The following RIMS2 variants were observed in gnomAD, a reference collection of about 807,000 sequenced individuals.
RIMS2 encodes regulating synaptic membrane exocytosis protein 2.
RIMS2 carries 59 observed loss-of-function variants against 174.4 expected under a neutral mutation model. That is an observed-to-expected ratio of 0.34 (90% CI 0.27 to 0.42). The LOEUF (loss-of-function observed/expected upper bound fraction) is 0.42, where lower values mean the gene tolerates loss of function less well. RIMS2 is among the 10% of genes least tolerant of loss of function. The pLI is 1.00. For missense variants in RIMS2, 1,620 were observed against 1,666.3 expected, an observed-to-expected ratio of 0.97 and a Z score of 0.48; for synonymous variants, 606 against 572.5, an observed-to-expected ratio of 1.06 and a Z score of -0.84.
intron 2 of RIMS2, among the ~76,000 whole-genome samples, chr8:103,742,090 C>T (rs979641210): frequency 2.6e-5 from 4 of 152,034 alleles, no homozygotes; most frequent in South Asian, 4.1e-4. Context: ...CAGGACTCAA[C>T]TTCTTAAGAA....
intron 2 of RIMS2, among the ~76,000 whole-genome samples, chr8:103,712,498 G>T: frequency 6.6e-6 from 1 of 152,048 alleles, no homozygotes; most frequent in African/African-American, 2.4e-5. Flanking sequence ...TGGTGTCAAG[G>T]ATACTGCTTT....
intron 15 of RIMS2, 145 bp from the exon 18 acceptor site, chr8:103,975,205 T>G: frequency 2.1e-6 from 1 of 474,234 alleles, no homozygotes; most frequent in South Asian, 4.6e-5. Flanking sequence ...TTTGTCTTAA[T>G]ATCATGGTTT....
At chr8:104,109,458 A>C (rs1014957110) in intron 19 of RIMS2, among the ~76,000 whole-genome samples, 1 of 150,314 alleles carries the variant, frequency 6.7e-6, no homozygotes, top group South Asian at 2.1e-4. Context: ...GGAAAATAAA[A>C]GCCACTCTCT....
intron 16 of RIMS2, among the ~76,000 whole-genome samples, chr8:103,982,348 C>G (rs1209850967): frequency 2.0e-5 from 3 of 151,772 alleles, no homozygotes; most frequent in Admixed American, 1.3e-4. Flanking sequence ...TCTACTCAAA[C>G]TATTTCAAAA....
At chr8:104,017,425 G>GT (rs1299068826) in intron 19 of RIMS2, among the ~76,000 whole-genome samples, 6 of 151,608 alleles carry the variant, frequency 4.0e-5, no homozygotes, top group Admixed American at 3.9e-4. Flanking sequence ...TATATATTTA[G>GT]CCATTTATCT....
At chr8:103,790,466 G>A (rs534125862) in intron 3 of RIMS2, among the ~76,000 whole-genome samples, 26 of 152,072 alleles carry the variant, frequency 1.7e-4, no homozygotes, top group African/African-American at 5.5e-4. Flanking sequence ...ATATTTCATT[G>A]TATGTTTATA....
At chr8:104,235,659 T>C (rs2099254320) in intron 19 of RIMS2, among the ~76,000 whole-genome samples, 1 of 152,078 alleles carries the variant, frequency 6.6e-6, no homozygotes. Flanking sequence ...TTTTCACTCA[T>C]ACACACACAT....
At chr8:103,666,730 A>C (rs1200499363) in intron 1 of RIMS2, among the ~76,000 whole-genome samples, 1 of 152,130 alleles carries the variant, frequency 6.6e-6, no homozygotes, top group Non-Finnish European at 1.5e-5. Context: ...CTAGTGTATG[A>C]GCTCAGTCCA....
chr8:103,919,000 G>A (rs555897938), intron 9 of RIMS2, among the ~76,000 whole-genome samples: 5 of 152,152 alleles, frequency 3.3e-5, no homozygotes, highest in South Asian at 4.1e-4. Context: ...CTGATTTAAC[G>A]TCAGAGCAGT....
chr8:103,826,114 T>A (rs2098789133), intron 3 of RIMS2, among the ~76,000 whole-genome samples: 1 of 152,210 alleles, frequency 6.6e-6, no homozygotes, highest in South Asian at 2.1e-4. Context: ...GTGTTTTTAT[T>A]AAATTCGCTA....
At chr8:104,176,990 G>A (rs779279626) in intron 19 of RIMS2, among the ~76,000 whole-genome samples, 17 of 152,064 alleles carry the variant, frequency 1.1e-4, no homozygotes, top group Non-Finnish European at 2.4e-4. Flanking sequence ...AATACGGAAG[G>A]TCAGCAGACA....
chr8:104,128,172 G>A (rs551352671), intron 19 of RIMS2, among the ~76,000 whole-genome samples: 1 of 152,104 alleles, frequency 6.6e-6, no homozygotes, highest in South Asian at 2.1e-4. Flanking sequence ...GAATGATCTG[G>A]CACTAAATTT....
intron 1 of RIMS2, among the ~76,000 whole-genome samples, chr8:103,576,092 G>A (rs2093211109): frequency 6.6e-6 from 1 of 152,198 alleles, no homozygotes. Context: ...GTCAGCCAAA[G>A]GAGATGCCAT....
rs118094642 is a variant in RIMS2, at chr8:104,003,449, T to C, written c.3045-9993T>C. Among the ~76,000 whole-genome samples, 944 of 151,852 alleles carry C rather than the reference T, an allele frequency of 6.2e-3. 4 individuals carry two copies. Among genetic ancestry groups the C allele is most frequent in the Non-Finnish European group, 0.011 (737 of 67,896 alleles). On this transcript the variant is annotated intron_variant, in intron 17 of 23. Transcript: ENST00000504942. The stretch of plus-strand genomic sequence containing the variant: ...TTTTTTTTGCAATGGAGTCTCACTC[T>C]GTCACCAGGCTGGAGTGCCAATGGC...
Position 104,036,300 on chromosome 8 carries a change from G to T in RIMS2, c.3334+21685G>T, listed in dbSNP as rs191939273. 3.6e-3 allele frequency among the ~76,000 whole-genome samples: 539 copies of T among 151,738 alleles called. 9 individuals are homozygous for T. The highest frequency in any genetic ancestry group is 0.013 in the Admixed American group (202 of 15,244). Reference sequence around the variant, plus strand: ...CATGTAGCTGGCACTACAGGTGCCGGCCACCATGCCTAGCTAATTTTTTTG... The same window carrying T: ...CATGTAGCTGGCACTACAGGTGCCGTCCACCATGCCTAGCTAATTTTTTTG... On this transcript the variant is annotated intron_variant, in intron 19 of 23. Transcript: ENST00000504942.
At chr8:104,201,077 C>T (rs2099052255) in intron 19 of RIMS2, among the ~76,000 whole-genome samples, 1 of 152,118 alleles carries the variant, frequency 6.6e-6, no homozygotes, top group African/African-American at 2.4e-5. Context: ...TTTCATTACC[C>T]AGATAGTGAG....
chr8:104,193,134 A>G (rs2099006206), intron 19 of RIMS2, among the ~76,000 whole-genome samples: 2 of 147,148 alleles, frequency 1.4e-5, no homozygotes, highest in Non-Finnish European at 3.0e-5. Flanking sequence ...CTAATTTTCT[A>G]CATGTTTAAT....
intron 1 of RIMS2, among the ~76,000 whole-genome samples, chr8:103,673,046 G>A (rs2136407925): frequency 6.6e-6 from 1 of 152,270 alleles, no homozygotes; most frequent in Non-Finnish European, 1.5e-5. Flanking sequence ...TTGAAACTCA[G>A]CAGGGCAGTC....
At chr8:103,928,759 A>G (rs763461626) in intron 11 of RIMS2, among the ~76,000 whole-genome samples, 118 of 151,428 alleles carry the variant, frequency 7.8e-4, no homozygotes, top group Non-Finnish European at 9.6e-4. Context: ...TGCTAAAGCC[A>G]GAATGAGAAA....
Sources: gnomAD v4.1 joint callset for allele counts (sites outside exome capture counted in the v4.1 genomes callset) on GRCh38, gnomAD v4.1.1 for gene constraint, MANE v1.5 for transcripts, NCBI Gene and HGNC (gene_info 2026-07-23, HGNC 2026-07-21) for gene names.